The following GTF2A1L variants were observed in gnomAD, a reference collection of about 807,000 sequenced individuals.
GTF2A1L encodes TFIIA-alpha and beta-like factor.
GTF2A1L carries 48 observed loss-of-function variants against 49.7 expected under a neutral mutation model. The observed-to-expected ratio is 0.97, with a 90% CI of 0.77 to 1.23. The LOEUF (loss-of-function observed/expected upper bound fraction) is 1.23. Among genes scored for constraint, GTF2A1L ranks in the 50% most tolerant of loss-of-function variants. The probability of loss-of-function intolerance (pLI) is 0.00; values close to 1 mark genes in which losing one functional copy is unlikely to be tolerated. For missense variants in GTF2A1L, 736 were observed against 564.8 expected, an observed-to-expected ratio of 1.30 and a Z score of -3.07; for synonymous variants, 246 against 193.5, an observed-to-expected ratio of 1.27 and a Z score of -2.25.
intron 8 of GTF2A1L, among the ~76,000 whole-genome samples, chr2:48,672,125 C>G (rs1434771393): frequency 6.6e-6 from 1 of 152,118 alleles, no homozygotes; most frequent in Non-Finnish European, 1.5e-5. Flanking sequence ...TTGGAGTTCC[C>G]CATAAATCCA....
At chr2:48,640,273 A>G (rs757835843) in intron 3 of GTF2A1L, among the ~76,000 whole-genome samples, 1 of 152,240 alleles carries the variant, frequency 6.6e-6, no homozygotes, top group Non-Finnish European at 1.5e-5. Flanking sequence ...TCACAATAGC[A>G]AAGACAGGGA....
chr2:48,668,765 G>A (rs1237401031), intron 6 of GTF2A1L: 1 of 152,022 alleles, frequency 6.6e-6, no homozygotes, highest in Non-Finnish European at 1.5e-5. Flanking sequence ...AACCCGGGAG[G>A]CAGAGCTTGC....
At chr2:48,668,692 G>C (rs1445178540) in intron 6 of GTF2A1L, 1 of 152,042 alleles carries the variant, frequency 6.6e-6, no homozygotes, top group Non-Finnish European at 1.5e-5. Context: ...AAAATTAGCC[G>C]GGCATGGTTG....
intron 4 of GTF2A1L, among the ~76,000 whole-genome samples, chr2:48,644,257 T>C (rs897911713): frequency 1.3e-5 from 2 of 152,348 alleles, no homozygotes; most frequent in African/African-American, 4.8e-5. Flanking sequence ...AACTCTTTGA[T>C]GTTTATTCAT....
intron 8 of GTF2A1L, 107 bp from the exon 9 acceptor site, chr2:48,679,228 G>C (rs776506993): frequency 7.1e-7 from 1 of 1,406,064 alleles, no homozygotes; most frequent in Non-Finnish European, 9.5e-7. Context: ...TTAATTTTAA[G>C]GCACTCACAT....
intron 3 of GTF2A1L, among the ~76,000 whole-genome samples, chr2:48,622,477 G>A (rs993178492): frequency 1.3e-5 from 2 of 151,830 alleles, no homozygotes; most frequent in African/African-American, 4.9e-5. Context: ...GTTAATCACT[G>A]TTTTATTTAT....
rs747648391 is a variant in GTF2A1L at position 48,620,917 on chromosome 2, G to C, written c.88G>C (p.Gly30Arg). The change falls in exon 2 of 9, where the codon GGT becomes CGT. Residue 30 changes from glycine (G) to arginine (R), a missense_variant. Transcript: ENST00000403751. ...EGVRNLFAEE[G>R]IEEQVLKDLK... ...AGTTCGGAATCTATTTGCTGAAGAA[G>C]GTATAGAGGAACAAGTTTTAAAAGA... 15 of 1,606,818 alleles carry C rather than the reference G, an allele frequency of 9.3e-6. No individual in the cohort carries two copies. In the African/African-American group the frequency reaches 1.3e-4, roughly 14 times the overall value.
chr2:48,639,929 A>C (rs1032431712), intron 3 of GTF2A1L, among the ~76,000 whole-genome samples: 8 of 152,234 alleles, frequency 5.3e-5, no homozygotes, highest in African/African-American at 1.9e-4. Flanking sequence ...ACATGCAGCC[A>C]ACAAGCATAT....
At position 48,624,906 on chromosome 2, in the gene GTF2A1L, T is replaced by A. The variant is rs532994937; in HGVS notation, c.247+3616T>A. Among the ~76,000 whole-genome samples, 160 of 144,154 alleles carry A rather than the reference T, an allele frequency of 1.1e-3. 25 individuals carry two copies. Among genetic ancestry groups the A allele is most frequent in the Non-Finnish European group, 1.8e-3 (118 of 63,924 alleles). The allele number at this position is 144,154 out of a possible 152,430, so 94.6% of individuals were successfully genotyped here. A position where few individuals can be genotyped will look rare whatever the true frequency, so the allele number is the denominator to read the frequency against. ...CCTCTTTTAAAAAGCTGAATCATAT[T>A]CCTCTGTGTGTGTGTGTATACAGAC... On this transcript the variant is annotated intron_variant, in intron 3 of 8. Coordinates refer to ENST00000403751, the MANE Select transcript of GTF2A1L (RefSeq NM_006872.5).
chr2:48,667,524 C>G (rs1481115330), intron 6 of GTF2A1L, among the ~76,000 whole-genome samples: 1 of 152,112 alleles, frequency 6.6e-6, no homozygotes, highest in African/African-American at 2.4e-5. Context: ...TAAGATTTCT[C>G]TAATTTATTC....
At chr2:48,678,817 C>T (rs1464729) in intron 8 of GTF2A1L, among the ~76,000 whole-genome samples, 100,365 of 151,710 alleles carry the variant, frequency 0.66, 33,694 homozygotes, top group East Asian at 0.93. Flanking sequence ...CCTTTGCAGA[C>T]ATACTGGACT....
Position 48,645,032 on chromosome 2 carries a change from G to T in GTF2A1L, c.304-1G>T. On this transcript the variant is annotated splice_acceptor_variant, in intron 4 of 8. Transcript: ENST00000403751. LOFTEE classifies it high-confidence loss of function. ...TTCTAATATAAATTTCTTATATCTA[G>T]GGCACTTCAAACTCCAGTGCAAACT... The T allele has an allele frequency of 1.2e-6, 2 of 1,606,720 alleles. No homozygotes were observed. The highest frequency in any genetic ancestry group is 1.3e-5 in the African/African-American group (1 of 74,454).
At chr2:48,641,633 A>G (rs1677204312) in intron 3 of GTF2A1L, among the ~76,000 whole-genome samples, 2 of 152,212 alleles carry the variant, frequency 1.3e-5, no homozygotes, top group Non-Finnish European at 2.9e-5. Flanking sequence ...ATATGGTTAC[A>G]TTGATCAACT....
At chr2:48,670,065 G>A (rs1679083938) in intron 7 of GTF2A1L, 83 bp downstream of exon 7, 1 of 1,500,626 alleles carries the variant, frequency 6.7e-7, no homozygotes, top group Non-Finnish European at 8.9e-7. Context: ...AAAAGGAATA[G>A]CAAGATTAAT....
chr2:48,618,603 T>C (rs923578532), intron 1 of GTF2A1L, among the ~76,000 whole-genome samples: 3 of 152,234 alleles, frequency 2.0e-5, no homozygotes, highest in African/African-American at 7.2e-5. Context: ...GTTCCGGGTA[T>C]TATATATGCA....
chr2:48,664,638 T>C (rs964612259), intron 6 of GTF2A1L, among the ~76,000 whole-genome samples: 1 of 152,162 alleles, frequency 6.6e-6, no homozygotes, highest in South Asian at 2.1e-4. Context: ...GAATTTAGAA[T>C]TTTTCCTTGT....
chr2:48,643,979 G>A (rs976932483), intron 4 of GTF2A1L, among the ~76,000 whole-genome samples: 29 of 152,016 alleles, frequency 1.9e-4, no homozygotes, highest in Non-Finnish European at 4.1e-4. Context: ...GATTACAGGC[G>A]TGAGCCACCG....
At chr2:48,636,892 G>A (rs750714169) in intron 3 of GTF2A1L, among the ~76,000 whole-genome samples, 2 of 152,008 alleles carry the variant, frequency 1.3e-5, no homozygotes, top group African/African-American at 2.4e-5. Flanking sequence ...TTCTGTATTT[G>A]GTCTTCATGT....
At position 48,647,020 on chromosome 2, in the gene GTF2A1L, G is replaced by A. The variant is rs1250424684; in HGVS notation, c.956G>A (p.Ser319Asn). ...CAACCAAGAAATATAGAGGAACCCAGCAACATACCTGTATCAGAGAAGGTA... is the reference window on the plus strand; with the variant it reads ...CAACCAAGAAATATAGAGGAACCCAACAACATACCTGTATCAGAGAAGGTA... ...VKQPRNIEEP[S>N]NIPVSEKDSN... Residue 319 changes from serine (S) to asparagine (N), a missense_variant, in exon 6 of 9, where the codon AGC (serine) becomes AAC (asparagine). By Grantham distance (46) the Ser-to-Asn change is conservative. Transcript: ENST00000403751. The A allele has an allele frequency of 6.2e-7, 1 of 1,611,008 alleles. No homozygotes were observed. The highest frequency in any genetic ancestry group is 8.5e-7 in the Non-Finnish European group (1 of 1,178,666).
Sources: gnomAD v4.1 joint callset for allele counts (sites outside exome capture counted in the v4.1 genomes callset) on GRCh38, gnomAD v4.1.1 for gene constraint, MANE v1.5 for transcripts, NCBI Gene and HGNC (gene_info 2026-07-23, HGNC 2026-07-21) for gene names.